The following EDA variants were observed in gnomAD, a reference collection of about 807,000 sequenced individuals.
EDA encodes ectodysplasin A.
EDA carries 2 observed loss-of-function variants against 23.6 expected under a neutral mutation model. The ratio of observed to expected loss-of-function variants is 0.08; its 90% CI spans 0.03 to 0.27. The LOEUF (loss-of-function observed/expected upper bound fraction) is 0.27, where lower values mean the gene tolerates loss of function less well. EDA is among the 10% of genes least tolerant of loss of function. The probability of loss-of-function intolerance (pLI) is 1.00; values close to 1 mark genes in which losing one functional copy is unlikely to be tolerated. For missense variants in EDA, 229 were observed against 324.2 expected (o/e 0.71, Z 2.26); for synonymous variants, 131 against 132.0 (o/e 0.99, Z 0.05).
intron 1 of EDA, among the ~76,000 whole-genome samples, chrX:69,877,769 C>G (rs1337158410): frequency 1.8e-5 from 2 of 112,217 alleles, no homozygotes; most frequent in Non-Finnish European, 3.8e-5. Context: ...GAGATTTTCT[C>G]TTATTTTTCC....
intron 1 of EDA, among the ~76,000 whole-genome samples, chrX:69,700,609 G>T (rs995674869): frequency 1.8e-5 from 2 of 110,880 alleles, no homozygotes; most frequent in African/African-American, 6.6e-5. Context: ...GGCGAGAAAT[G>T]ATAGGCTTTA....
intron 1 of EDA, among the ~76,000 whole-genome samples, chrX:69,930,472 A>G (rs1407262660): frequency 9.1e-6 from 1 of 110,454 alleles, no homozygotes; most frequent in East Asian, 2.8e-4. Context: ...ATACCAATTC[A>G]TGATTTAAAA....
intron 1 of EDA, among the ~76,000 whole-genome samples, chrX:69,822,144 G>A (rs1033914349): frequency 7.2e-5 from 8 of 110,473 alleles, no homozygotes; most frequent in Non-Finnish European, 1.3e-4. Flanking sequence ...AATTAGTTAC[G>A]TATGGTGGTG....
At chrX:70,030,380 C>T (rs1391417175) in intron 5 of EDA, 89 bp from the exon 6 acceptor site, 2 of 835,144 alleles carry the variant, frequency 2.4e-6, no homozygotes, top group African/African-American at 2.0e-5. Flanking sequence ...CAATAGAAGA[C>T]TAGAAACCAG....
intron 1 of EDA, among the ~76,000 whole-genome samples, chrX:69,846,499 T>TGG (rs1296709642): frequency 1.8e-5 from 2 of 111,196 alleles, no homozygotes; most frequent in African/African-American, 6.6e-5. Flanking sequence ...TTCACCATGT[T>TGG]GGCCAGGCTG....
chrX:69,827,719 C>T (rs1446449128), intron 1 of EDA, among the ~76,000 whole-genome samples: 1 of 112,348 alleles, frequency 8.9e-6, no homozygotes, highest in Non-Finnish European at 1.9e-5. Flanking sequence ...CATTCAACGT[C>T]CAGCTTTGTT....
intron 2 of EDA, among the ~76,000 whole-genome samples, chrX:70,007,000 G>GA (rs1014841305): frequency 3.7e-5 from 4 of 108,384 alleles, no homozygotes; most frequent in South Asian, 8.0e-4. Context: ...ACCATTTGTT[G>GA]AAAAAAAAAC....
At chrX:69,698,209 T>C (rs760935735) in intron 1 of EDA, among the ~76,000 whole-genome samples, 1 of 111,851 alleles carries the variant, frequency 8.9e-6, no homozygotes, top group Non-Finnish European at 1.9e-5. Flanking sequence ...TAGGTTATTA[T>C]ATACAGGGAC....
intron 1 of EDA, among the ~76,000 whole-genome samples, chrX:69,949,186 G>T (rs1393070507): frequency 8.9e-6 from 1 of 111,824 alleles, no homozygotes. Context: ...ACAGAGCCTG[G>T]TATGTACCTG....
intron 1 of EDA, among the ~76,000 whole-genome samples, chrX:69,799,613 C>T (rs865916962): frequency 1.9e-5 from 2 of 107,440 alleles, no homozygotes; most frequent in African/African-American, 6.8e-5. Context: ...AAATGCTCAA[C>T]TTCTAATCAC....
At chrX:69,811,871 T>C (rs2015966341) in intron 1 of EDA, among the ~76,000 whole-genome samples, 1 of 111,613 alleles carries the variant, frequency 9.0e-6, no homozygotes. Context: ...TGGTTGTGCC[T>C]TGTGTGGTTT....
At chrX:69,976,907 A>G (rs1485733063) in intron 2 of EDA, among the ~76,000 whole-genome samples, 1 of 111,882 alleles carries the variant, frequency 8.9e-6, no homozygotes, top group African/African-American at 3.2e-5. Context: ...ACTAAGTGCC[A>G]TGGAAATTAC....
At chrX:69,763,052 G>A (rs373821430) in intron 1 of EDA, among the ~76,000 whole-genome samples, 1 of 112,127 alleles carries the variant, frequency 8.9e-6, no homozygotes, top group Admixed American at 9.5e-5. Context: ...ATTGAGCTTT[G>A]GGAAAAAGTT....
intron 1 of EDA, among the ~76,000 whole-genome samples, chrX:69,758,223 G>A (rs2520390): frequency 0.31 from 34,170 of 111,309 alleles, 4,896 homozygotes; most frequent in Middle Eastern, 0.57. Context: ...TATACACAAA[G>A]AGCAAACGTT....
In EDA at chrX:69,843,570, GT is replaced by G. The variant is rs10669639; in HGVS notation, c.397-113446del. 3.3e-4 allele frequency among the ~76,000 whole-genome samples: 35 copies of G among 105,642 alleles called. No homozygotes were observed. In the South Asian group the frequency reaches 9.3e-3, roughly 28 times the overall value. The allele number at this position is 105,642 out of a possible 115,157, so 91.7% of individuals were successfully genotyped here. ...CACTAGATTTGGAATTAAGAGATCA[GT>G]TTTTTTTTTTCCATTCTGCCTTTCC... On this transcript the variant is annotated intron_variant, in intron 1 of 7. Coordinates refer to ENST00000374552, the MANE Select transcript of EDA (RefSeq NM_001399.5).
chrX:69,999,425 C>T (rs1254091310), intron 2 of EDA, among the ~76,000 whole-genome samples: 1 of 109,778 alleles, frequency 9.1e-6, no homozygotes, highest in Admixed American at 9.7e-5. Flanking sequence ...CCAGCCTGGC[C>T]AATATGGTGA....
chrX:69,922,445 TA>T (rs1314964815), intron 1 of EDA, among the ~76,000 whole-genome samples: 1 of 112,336 alleles, frequency 8.9e-6, no homozygotes, highest in Non-Finnish European at 1.9e-5. Context: ...TTCCTGTTAC[TA>T]TGCTTTCTTG....
At chrX:69,711,686 A>G (rs996155498) in intron 1 of EDA, among the ~76,000 whole-genome samples, 2 of 111,606 alleles carry the variant, frequency 1.8e-5, no homozygotes, top group Non-Finnish European at 3.8e-5. Flanking sequence ...TTATTGGTCT[A>G]TTCAGAGATT....
intron 1 of EDA, among the ~76,000 whole-genome samples, chrX:69,732,450 A>G (rs1602345696): frequency 8.9e-6 from 1 of 112,345 alleles, no homozygotes; most frequent in East Asian, 2.8e-4. Context: ...TTATGGCTGC[A>G]TAGTATTCCG....
Sources: allele counts gnomAD v4.1 joint callset (sites outside exome capture counted in the v4.1 genomes callset), GRCh38; gene constraint gnomAD v4.1.1; transcripts MANE v1.5; gene names NCBI Gene and HGNC (gene_info 2026-07-23, HGNC 2026-07-21).